Variants in PRPF6 observed in about 807,000 individuals in gnomAD.
The protein encoded by PRPF6 is pre-mRNA-processing factor 6.
PRPF6 carries 42 observed loss-of-function variants against 118.3 expected under a neutral mutation model. The ratio of observed to expected loss-of-function variants is 0.35; its 90% CI spans 0.28 to 0.46. The LOEUF (loss-of-function observed/expected upper bound fraction) is 0.46, where lower values mean the gene tolerates loss of function less well. Ranked by LOEUF, PRPF6 falls within the 20% of genes least tolerant of loss-of-function variation. The pLI, the probability that PRPF6 is intolerant of heterozygous loss-of-function variation, is 1.00. For synonymous variants in PRPF6, 481 were observed against 485.1 expected (o/e 0.99, Z 0.11); for missense variants, 662 against 1,255.7 (o/e 0.53, Z 7.15).
intron 3 of PRPF6, among the ~76,000 whole-genome samples, chr20:63,985,348 C>CAAAA (rs112094687): frequency 7.4e-6 from 1 of 135,634 alleles, no homozygotes; most frequent in Non-Finnish European, 1.6e-5. Context: ...GACCCTGTCT[C>CAAAA]AAAAAAAAAA....
intron 9 of PRPF6, among the ~76,000 whole-genome samples, 175 bp from the exon 10 acceptor site, chr20:64,010,025 G>T (rs926680815): frequency 6.6e-6 from 1 of 152,106 alleles, no homozygotes; most frequent in Non-Finnish European, 1.5e-5. Context: ...TGCTCCGTTT[G>T]TCCTTGTTTG....
rs758075992 is a variant in PRPF6, at chr20:64,031,691, AC to A, written c.2547-226del. Among the ~76,000 whole-genome samples, 10 of 135,578 alleles carry A rather than the reference AC, an allele frequency of 7.4e-5. No homozygotes were observed. The East Asian group carries it at 1.8e-3, about 24-fold the overall frequency. 88.9% of individuals were successfully genotyped at this position (135,578 alleles called of 152,430 possible). A position where few individuals can be genotyped will look rare whatever the true frequency, so the allele number is the denominator to read the frequency against. ...CCTTCTCAAAAAAAAAAAAAAAAAA[AC>A]AACAAAAAAAAACCAATTTGGTTAG... On this transcript the variant is annotated intron_variant, in intron 19 of 20. Coordinates refer to ENST00000266079, the MANE Select transcript of PRPF6 (RefSeq NM_012469.4).
intron 4 of PRPF6, among the ~76,000 whole-genome samples, chr20:63,993,757 CTT>C (rs1042222409): frequency 2.1e-5 from 3 of 143,626 alleles, no homozygotes; most frequent in Non-Finnish European, 3.1e-5. Flanking sequence ...TTTCTTTTTT[CTT>C]TTTTTTTTTG....
intron 9 of PRPF6, among the ~76,000 whole-genome samples, chr20:64,003,251 T>C (rs1179941079): frequency 1.3e-5 from 2 of 152,218 alleles, no homozygotes; most frequent in African/African-American, 4.8e-5. Context: ...CTATTCTTCC[T>C]GAATTTATAG....
Position 64,029,921 on chromosome 20 carries a change from T to C in PRPF6, c.2546+430T>C, listed in dbSNP as rs73916684. Among the ~76,000 whole-genome samples the C allele has an allele frequency of 0.11, 16,561 of 144,552 alleles. 939 individuals are homozygous for C. Among genetic ancestry groups the C allele is most frequent in the South Asian group, 0.23 (1,085 of 4,746 alleles). 94.8% of individuals were successfully genotyped at this position (144,552 alleles called of 152,430 possible). On this transcript the variant is annotated intron_variant, in intron 19 of 20. Transcript: ENST00000266079. The surrounding 1 kb of genome is among the most constrained non-coding windows in gnomAD (Gnocchi z 4.8). ...GGGTCAGAGACTCACTGGGGACACA[T>C]GTGATTCACACTGGTGTGCTGGCCG...
At chr20:63,999,558 C>T (rs761610846) in intron 7 of PRPF6, 45 bp from the exon 8 acceptor site, 3 of 1,612,348 alleles carry the variant, frequency 1.9e-6, no homozygotes, top group Non-Finnish European at 2.5e-6. Flanking sequence ...TCGGGTGCAC[C>T]CCTGACAGCA....
intron 12 of PRPF6, among the ~76,000 whole-genome samples, chr20:64,020,141 G>A (rs573501420): frequency 4.6e-5 from 7 of 152,298 alleles, no homozygotes; most frequent in Non-Finnish European, 8.8e-5. Flanking sequence ...GCGGCCGGGC[G>A]CAGTGGCTCA....
intron 19 of PRPF6, among the ~76,000 whole-genome samples, chr20:64,031,587 C>A (rs544924130): frequency 6.6e-6 from 1 of 150,762 alleles, no homozygotes; most frequent in Non-Finnish European, 1.5e-5. Context: ...GCAGGAGAAT[C>A]GCTTGAACCT....
rs779142310 is a variant in PRPF6, at chr20:63,999,603, T to G, written c.867T>G (p.Asn289Lys). The change falls in exon 8 of 21, where the codon AAT becomes AAG. Residue 289 changes from asparagine to lysine, a missense_variant and splice_region_variant. Physicochemically the swap from Asn to Lys is moderately conservative, Grantham distance 94. Around this residue, in one of 10 missense-constraint regions of PRPF6, gnomAD observed 71 missense variants for 166.4 expected, o/e 0.43. Coordinates refer to ENST00000266079, the MANE Select transcript of PRPF6 (RefSeq NM_012469.4). The stretch of plus-strand genomic sequence containing the variant: ...GCCGTGTGCACTCTCCCTCTCATAG[T>G]GATATCAAGAAGGCGCGACTGCTCC... The part of the protein sequence containing the change: ...SMIPTHGGDI[N>K]DIKKARLLLK... 1 of 1,613,992 alleles carries G rather than the reference T, an allele frequency of 6.2e-7. No homozygotes were observed. The highest frequency in any genetic ancestry group is 1.7e-5 in the Admixed American group (1 of 60,010).
At chr20:63,987,928 A>G (rs1022210830) in intron 3 of PRPF6, among the ~76,000 whole-genome samples, 2 of 152,116 alleles carry the variant, frequency 1.3e-5, no homozygotes, top group African/African-American at 2.4e-5. Flanking sequence ...CACGCCTGTA[A>G]TCCCAGCACT....
intron 6 of PRPF6, 109 bp downstream of exon 6, chr20:63,995,591 C>T (rs904745095): frequency 7.0e-5 from 89 of 1,268,694 alleles, no homozygotes; most frequent in Non-Finnish European, 9.4e-5. Flanking sequence ...CCTCCTTCTC[C>T]TCCTCCTCCT....
Sources: allele counts gnomAD v4.1 joint callset (sites outside exome capture counted in the v4.1 genomes callset), GRCh38; gene constraint gnomAD v4.1.1; regional missense constraint gnomAD v4.1.1; non-coding constraint Gnocchi (gnomAD v3.1); transcripts MANE v1.5; gene names NCBI Gene and HGNC (gene_info 2026-07-23, HGNC 2026-07-21).